The following CPLANE1 variants were observed in gnomAD, a reference collection of about 807,000 sequenced individuals.
CPLANE1 encodes the protein ciliogenesis and planar polarity effector 1.
Under a neutral mutation model 362.5 loss-of-function variants are expected in CPLANE1, and 263 were observed. The observed-to-expected ratio is 0.73, with a 90% CI of 0.66 to 0.80. The LOEUF (loss-of-function observed/expected upper bound fraction) is 0.80, where lower values mean the gene tolerates loss of function less well. Ranked by LOEUF, CPLANE1 falls within the 30% of genes least tolerant of loss-of-function variation. The pLI, the probability that CPLANE1 is intolerant of heterozygous loss-of-function variation, is 0.00. For synonymous variants in CPLANE1, 1,212 were observed against 1,302.6 expected, an observed-to-expected ratio of 0.93 and a Z score of 1.50; for missense variants, 3,461 against 3,793.4, an observed-to-expected ratio of 0.91 and a Z score of 2.30.
At chr5:37,145,360 C>T (rs548243667) in intron 43 of CPLANE1, among the ~76,000 whole-genome samples, 15 of 152,114 alleles carry the variant, frequency 9.9e-5, no homozygotes, top group South Asian at 2.1e-4. Context: ...AACAAATCAG[C>T]GCTAAAAAGG....
intron 25 of CPLANE1, 79 bp downstream of exon 25, chr5:37,184,709 C>T (rs1333520124): frequency 5.3e-5 from 68 of 1,272,480 alleles, no homozygotes; most frequent in Non-Finnish European, 6.8e-5. Context: ...TTGCTGGGAC[C>T]AGAAATCAGC....
intron 41 of CPLANE1, among the ~76,000 whole-genome samples, chr5:37,156,792 A>G (rs1231654441): frequency 1.3e-5 from 2 of 152,178 alleles, no homozygotes; most frequent in Admixed American, 1.3e-4. Flanking sequence ...CAAGACAGAG[A>G]AGGAGGGAGG....
rs762415338 is a variant in CPLANE1, at chr5:37,138,791, A to G, written c.8721T>C (p.Asp2907=). The change falls in exon 46 of 53, where the codon GAT becomes GAC. Residue 2907 remains aspartate (D), a synonymous_variant. Coordinates refer to ENST00000651892, the MANE Select transcript of CPLANE1 (RefSeq NM_001384732.1). ...TGLTDIADII[D]DLIIKDGVSS... is the part of the protein sequence containing the mutation. ...AAACTCCGTCTTTAATTATAAGGTC[A>G]TCAATAATGTCTGCAATATCAGTCA... 3.1e-6 allele frequency: 5 copies of G among 1,613,318 alleles called. No individual in the cohort carries two copies. The highest frequency in any genetic ancestry group is 4.2e-6 in the Non-Finnish European group (5 of 1,179,628).
At chr5:37,230,628 C>T (rs1309989300) in intron 9 of CPLANE1, among the ~76,000 whole-genome samples, 6 of 151,886 alleles carry the variant, frequency 4.0e-5, no homozygotes, top group African/African-American at 1.5e-4. Flanking sequence ...GATAATTTTT[C>T]GTGCTATTAA....
At chr5:37,079,721 G>A in the CPLANE1 span, among the ~76,000 whole-genome samples, 2 of 152,340 alleles carry the variant, frequency 1.3e-5, no homozygotes, top group East Asian at 3.9e-4. Flanking sequence ...TGAATGGTCA[G>A]TGTGTGAACA....
chr5:37,129,830 T>C (rs1037958972), intron 46 of CPLANE1, among the ~76,000 whole-genome samples: 11 of 152,206 alleles, frequency 7.2e-5, no homozygotes, highest in African/African-American at 2.7e-4. Context: ...TGGAAAACAG[T>C]GTGGATATTC....
chr5:37,150,450 T>C (rs1181862552), intron 42 of CPLANE1, among the ~76,000 whole-genome samples: 1 of 152,048 alleles, frequency 6.6e-6, no homozygotes, highest in Non-Finnish European at 1.5e-5. Flanking sequence ...ACTGCCTACT[T>C]ATCTCACAGC....
chr5:37,201,938 T>A (rs973683630), intron 18 of CPLANE1, 130 bp from the exon 19 acceptor site: 1 of 626,924 alleles, frequency 1.6e-6, no homozygotes, highest in African/African-American at 1.8e-5. Context: ...CATACAAACA[T>A]CCAAACTTAC....
chr5:37,121,767 T>C lies in CPLANE1; in HGVS notation c.9035A>G (p.His3012Arg), dbSNP rs753593935. 9 of 1,613,826 alleles carry C rather than the reference T, an allele frequency of 5.6e-6. No individual in the cohort carries two copies. Among genetic ancestry groups the C allele is most frequent in the Admixed American group, 1.7e-5 (1 of 59,986 alleles). Residue 3012 changes from histidine (H) to arginine (R), a missense_variant, in exon 49 of 53, where the codon CAC becomes CGC. By Grantham distance (29) the His-to-Arg change is conservative. Around this residue, in one of 2 missense-constraint regions of CPLANE1, gnomAD observed 3,380 missense variants for 3,666.1 expected, o/e 0.92. Transcript: ENST00000651892. ...CGCTTGTGAGATTCGACGACTATAG[T>C]GTTCAGAGAGCAGCAATCTGTAGAC... ...HEKDRLLLSE[H>R]YSRRISQAYG...
chr5:37,167,544 C>G (rs1292417939), intron 34 of CPLANE1, among the ~76,000 whole-genome samples: 3 of 152,068 alleles, frequency 2.0e-5, no homozygotes, highest in Non-Finnish European at 4.4e-5. Context: ...TTTGGGAGGT[C>G]GAGACGGGCT....
At chr5:37,118,125 T>C (rs1333491265) in intron 50 of CPLANE1, among the ~76,000 whole-genome samples, 1 of 152,170 alleles carries the variant, frequency 6.6e-6, no homozygotes, top group Non-Finnish European at 1.5e-5. Flanking sequence ...TCAGGCATGA[T>C]AGCTCACACC....
chr5:37,148,775 G>A (rs1772531090), intron 42 of CPLANE1, among the ~76,000 whole-genome samples: 1 of 152,080 alleles, frequency 6.6e-6, no homozygotes, highest in Admixed American at 6.5e-5. Context: ...AACCTGCTGG[G>A]CCCAGTGGCT....
intron 16 of CPLANE1, chr5:37,212,296 G>C (rs961952688): frequency 9.6e-7 from 1 of 1,044,108 alleles, no homozygotes; most frequent in African/African-American, 1.6e-5. Context: ...GTCCAGGAAG[G>C]CTCCCTAGTG....
chr5:37,176,028 C>A (rs773859769), intron 30 of CPLANE1, 42 bp from the exon 31 acceptor site: 2 of 1,324,230 alleles, frequency 1.5e-6, no homozygotes, highest in South Asian at 1.2e-5. Flanking sequence ...GCAAGATATT[C>A]TTTGCATTAT....
At chr5:37,247,797 CATTT>C in intron 1 of CPLANE1, 52 bp from the exon 2 acceptor site, 92 of 1,175,800 alleles carry the variant, frequency 7.8e-5, no homozygotes, top group Middle Eastern at 3.1e-4. Context: ...ATTCACTGGG[CATTT>C]TTTTTTTTTT....
chr5:37,128,195 T>C (rs958900219), intron 46 of CPLANE1, among the ~76,000 whole-genome samples: 1 of 152,210 alleles, frequency 6.6e-6, no homozygotes, highest in Admixed American at 6.5e-5. Flanking sequence ...TTGGTAGAGA[T>C]GGGGTTTCCC....
rs1580465196 is a variant in CPLANE1 at position 37,179,509 on chromosome 5, G to A, written c.5738-66C>T. 8.1e-6 allele frequency: 8 copies of A among 982,354 alleles called. No homozygotes were observed. In the East Asian group the frequency reaches 1.9e-4, roughly 24 times the overall value. 60.9% of individuals were successfully genotyped at this position (982,354 alleles called of 1,614,324 possible). A position where few individuals can be genotyped will look rare whatever the true frequency, so the allele number is the denominator to read the frequency against. Reference sequence around the variant, plus strand: ...AAAATAAGCTATTGACTTTTTAGGGGGCTCAGGGAATATTACCAGAAACAA... The same window carrying A: ...AAAATAAGCTATTGACTTTTTAGGGAGCTCAGGGAATATTACCAGAAACAA... On this transcript the variant is annotated intron_variant, in intron 28 of 52. Coordinates refer to ENST00000651892, the MANE Select transcript of CPLANE1 (RefSeq NM_001384732.1).
the CPLANE1 span, among the ~76,000 whole-genome samples, chr5:37,095,060 G>A: frequency 1.3e-5 from 2 of 152,070 alleles, no homozygotes; most frequent in African/African-American, 4.8e-5. Flanking sequence ...AGACAAAGAA[G>A]GAACCCTCCT....
rs1222002652 is a variant in CPLANE1, at chr5:37,108,376, T to C, written c.9496A>G (p.Arg3166Gly). The C allele has an allele frequency of 3.7e-5, 60 of 1,614,206 alleles. No individual in the cohort carries two copies. Among genetic ancestry groups the C allele is most frequent in the Non-Finnish European group, 5.0e-5 (59 of 1,180,014 alleles). The change falls in exon 52 of 53, where the codon AGA (arginine) becomes GGA (glycine). Residue 3166 changes from arginine to glycine, a missense_variant. This residue lies in a region of CPLANE1 where 81 missense variants were observed against 127.3 expected (regional missense o/e 0.64). Coordinates refer to ENST00000651892, the MANE Select transcript of CPLANE1 (RefSeq NM_001384732.1). ...QTKQVCVEYE[R>G]EETVVSPWTI... ...CAGGGACTCACCACAGTCTCCTCTCTTTCATACTCTACACACACCTGCTTG... is the reference window on the plus strand; with the variant it reads ...CAGGGACTCACCACAGTCTCCTCTCCTTCATACTCTACACACACCTGCTTG...
Sources: allele counts gnomAD v4.1 joint callset (sites outside exome capture counted in the v4.1 genomes callset), GRCh38; gene constraint gnomAD v4.1.1; regional missense constraint gnomAD v4.1.1; transcripts MANE v1.5; gene names NCBI Gene and HGNC (gene_info 2026-07-23, HGNC 2026-07-21).